JAZF1: variants seen among roughly 807,000 people sequenced by gnomAD.
JAZF1 encodes juxtaposed with another zinc finger protein 1.
JAZF1 carries 8 observed loss-of-function variants against 26.4 expected under a neutral mutation model. The observed-to-expected ratio is 0.30, with a 90% CI of 0.18 to 0.55. The LOEUF is 0.55. JAZF1 is among the 20% of genes least tolerant of loss of function. JAZF1 has a pLI of 0.94. For missense variants in JAZF1, 199 were observed against 322.0 expected, an observed-to-expected ratio of 0.62 and a Z score of 2.92; for synonymous variants, 126 against 122.3, an observed-to-expected ratio of 1.03 and a Z score of -0.20.
chr7:27,859,361 A>G (rs1183442804), intron 3 of JAZF1, among the ~76,000 whole-genome samples: 1 of 152,242 alleles, frequency 6.6e-6, no homozygotes, highest in East Asian at 1.9e-4. Context: ...CGACCCAGCA[A>G]TCCCATTACT....
rs1045530253 is a variant in JAZF1 at position 28,107,411 on chromosome 7, C to T, written c.115+73052G>A. ...TGTACTTTACTAAAGTGCTTTGGGG[C>T]GCTGAGAATGTTCTCAGTATCTGTA... is the stretch of plus-strand genomic sequence containing the variant. On this transcript the variant is annotated intron_variant, in intron 1 of 4. Transcript: ENST00000283928. Among the ~76,000 whole-genome samples the T allele has an allele frequency of 3.9e-5, 6 of 152,160 alleles. No homozygotes were observed. The East Asian group carries it at 5.8e-4, about 15-fold the overall frequency.
intron 3 of JAZF1, among the ~76,000 whole-genome samples, chr7:27,845,977 A>T (rs1192795522): frequency 2.0e-5 from 3 of 151,804 alleles, no homozygotes; most frequent in Non-Finnish European, 4.4e-5. Context: ...AAACAGAAAA[A>T]ACCCGTTATG....
rs139210747 is a variant in JAZF1 at position 28,174,821 on chromosome 7, G to T, written c.115+5642C>A. Among the ~76,000 whole-genome samples the T allele has an allele frequency of 0.017, 1,849 of 107,770 alleles. 314 individuals carry two copies. The East Asian group carries it at 0.2, about 12-fold the overall frequency. The allele number at this position is 107,770 out of a possible 152,430, so 70.7% of individuals were successfully genotyped here. On this transcript the variant is annotated intron_variant, in intron 1 of 4. Transcript: ENST00000283928. ...CCTGATCCTGCCTATGGGGTGTGTG[G>T]GTGTGTGTGTGTGTGTGTGTGTGTG...
intron 2 of JAZF1, among the ~76,000 whole-genome samples, chr7:27,945,326 G>C (rs1015579425): frequency 6.6e-6 from 1 of 152,112 alleles, no homozygotes; most frequent in Non-Finnish European, 1.5e-5. Flanking sequence ...GCCATGCCCA[G>C]CACCAATTCC....
chr7:28,140,380 G>C (rs1782944712), intron 1 of JAZF1, among the ~76,000 whole-genome samples: 1 of 152,120 alleles, frequency 6.6e-6, no homozygotes, highest in Non-Finnish European at 1.5e-5. Context: ...ACCATGCCCA[G>C]CCAAAAGTCA....
chr7:27,836,950 TACACAC>T (rs536606233), intron 4 of JAZF1, among the ~76,000 whole-genome samples: 2 of 151,898 alleles, frequency 1.3e-5, no homozygotes, highest in African/African-American at 4.8e-5. Context: ...TATTTTTTCA[TACACAC>T]ACACACACTC....
chr7:28,070,769 A>G (rs1783963260), intron 1 of JAZF1, among the ~76,000 whole-genome samples: 1 of 152,234 alleles, frequency 6.6e-6, no homozygotes. Context: ...TATTCTCTTC[A>G]TGACATTCAT....
At chr7:27,850,409 T>C (rs953889380) in intron 3 of JAZF1, among the ~76,000 whole-genome samples, 2 of 152,208 alleles carry the variant, frequency 1.3e-5, no homozygotes, top group Non-Finnish European at 2.9e-5. Context: ...ACTATGGAAT[T>C]GGTTCTGGTT....
chr7:28,031,067 A>G (rs1194119831), intron 1 of JAZF1, among the ~76,000 whole-genome samples: 1 of 152,230 alleles, frequency 6.6e-6, no homozygotes, highest in Non-Finnish European at 1.5e-5. Context: ...TACACGAAGC[A>G]TATTCACATC....
intron 1 of JAZF1, among the ~76,000 whole-genome samples, chr7:28,007,088 A>G (rs1782715965): frequency 6.6e-6 from 1 of 152,166 alleles, no homozygotes; most frequent in African/African-American, 2.4e-5. Flanking sequence ...TGGGATGTCA[A>G]CAGCCCCATA....
At chr7:27,972,279 G>A (rs1785387121) in intron 2 of JAZF1, among the ~76,000 whole-genome samples, 2 of 152,240 alleles carry the variant, frequency 1.3e-5, no homozygotes, top group Admixed American at 6.5e-5. Context: ...CATCTGACCA[G>A]AGACTAAAAG....
Position 27,957,209 on chromosome 7 carries a change from A to G in JAZF1, c.188+34700T>C, listed in dbSNP as rs529777652. On this transcript the variant is annotated intron_variant, in intron 2 of 4. Coordinates refer to ENST00000283928, the MANE Select transcript of JAZF1 (RefSeq NM_175061.4). ...CTTCAGGAACAGCAGCCAGACCCTGACATCAGTTGGCCACATTTATTCCTG... is the reference window on the plus strand; with the variant it reads ...CTTCAGGAACAGCAGCCAGACCCTGGCATCAGTTGGCCACATTTATTCCTG... 3.9e-5 allele frequency among the ~76,000 whole-genome samples: 6 copies of G among 152,314 alleles called. No individual in the cohort carries two copies. In the South Asian group the frequency reaches 1.2e-3, roughly 32 times the overall value.
chr7:28,090,814 G>GTTTTT, intron 1 of JAZF1, among the ~76,000 whole-genome samples: 1 of 122,082 alleles, frequency 8.2e-6, no homozygotes, highest in Non-Finnish European at 1.7e-5. Flanking sequence ...CTTTTTTTTA[G>GTTTTT]TTGTTTTTTT....
rs113901033 is a variant in JAZF1, at chr7:28,123,091, T to C, written c.115+57372A>G. Among the ~76,000 whole-genome samples, 40 of 152,218 alleles carry C rather than the reference T, an allele frequency of 2.6e-4. 1 individual carries two copies. Among genetic ancestry groups the C allele is most frequent in the African/African-American group, 9.4e-4 (39 of 41,546 alleles). On this transcript the variant is annotated intron_variant, in intron 1 of 4. Coordinates refer to ENST00000283928, the MANE Select transcript of JAZF1 (RefSeq NM_175061.4). ...AGGAGACTTTCCAGCTACGTCACCC[T>C]GCATGCCCCACCCTCCCTCTCTCCT...
chr7:28,038,737 C>T (rs760450669), intron 1 of JAZF1, among the ~76,000 whole-genome samples: 5 of 152,158 alleles, frequency 3.3e-5, no homozygotes, highest in Non-Finnish European at 5.9e-5. Context: ...TGAGCTGAAG[C>T]TTTTCCTTTC....
At chr7:27,885,681 T>C (rs1365381688) in intron 3 of JAZF1, among the ~76,000 whole-genome samples, 2 of 152,210 alleles carry the variant, frequency 1.3e-5, no homozygotes, top group Admixed American at 1.3e-4. Flanking sequence ...CTTCCATTTT[T>C]TTTTTCCTTT....
intron 4 of JAZF1, among the ~76,000 whole-genome samples, chr7:27,836,726 C>G (rs1033716885): frequency 1.3e-5 from 2 of 152,184 alleles, no homozygotes; most frequent in Admixed American, 6.5e-5. Flanking sequence ...AAGCAGGAGG[C>G]TGAGGTGCAC....
intron 1 of JAZF1, among the ~76,000 whole-genome samples, chr7:28,089,345 C>G (rs1335359313): frequency 1.3e-5 from 2 of 152,164 alleles, no homozygotes; most frequent in Non-Finnish European, 2.9e-5. Context: ...GGAAGAGGGC[C>G]TTACCAGACC....
chr7:28,160,898 G>A (rs771355142), intron 1 of JAZF1, among the ~76,000 whole-genome samples: 9 of 152,190 alleles, frequency 5.9e-5, no homozygotes, highest in South Asian at 4.1e-4. Flanking sequence ...TTTGGTTGGA[G>A]AGAAAAGTTC....
Sources: gnomAD v4.1 joint callset for allele counts (sites outside exome capture counted in the v4.1 genomes callset) on GRCh38, gnomAD v4.1.1 for gene constraint, MANE v1.5 for transcripts, NCBI Gene and HGNC (gene_info 2026-07-23, HGNC 2026-07-21) for gene names.